The following ENOX1 variants were observed in gnomAD, a reference collection of about 807,000 sequenced individuals.
ENOX1 encodes the protein candidate growth-related and time keeping constitutive hydroquinone (NADH) oxidase.
Under a neutral mutation model 82.5 loss-of-function variants are expected in ENOX1, and 42 were observed. That is an observed-to-expected ratio of 0.51 (90% confidence interval 0.40 to 0.66). The LOEUF (loss-of-function observed/expected upper bound fraction) is 0.66, where lower values mean the gene tolerates loss of function less well. Among genes scored for constraint, ENOX1 ranks in the 30% least tolerant of loss-of-function variants. ENOX1 has a pLI of 0.00. For synonymous variants in ENOX1, 271 were observed against 282.2 expected, an observed-to-expected ratio of 0.96 and a Z score of 0.40; for missense variants, 608 against 811.6, an observed-to-expected ratio of 0.75 and a Z score of 3.05.
At chr13:43,513,875 A>G (rs1267747396) in intron 2 of ENOX1, among the ~76,000 whole-genome samples, 3 of 152,174 alleles carry the variant, frequency 2.0e-5, no homozygotes, top group Admixed American at 2.0e-4. Flanking sequence ...AAAGAAATAT[A>G]AGGATCTCAA....
chr13:43,321,014 A>G (rs2047775648), intron 11 of ENOX1: 1 of 455,946 alleles, frequency 2.2e-6, no homozygotes, highest in Non-Finnish European at 4.4e-6. Flanking sequence ...TACATCATTG[A>G]CACATAAGTG....
At chr13:43,553,632 A>G (rs1158164334) in intron 2 of ENOX1, among the ~76,000 whole-genome samples, 1 of 152,260 alleles carries the variant, frequency 6.6e-6, no homozygotes, top group African/African-American at 2.4e-5. Flanking sequence ...ACAAACAAAA[A>G]GCATGATATA....
chr13:43,299,191 T>C (rs1379111591), intron 11 of ENOX1, among the ~76,000 whole-genome samples: 1 of 152,170 alleles, frequency 6.6e-6, no homozygotes, highest in Non-Finnish European at 1.5e-5. Context: ...ATTCTCCACA[T>C]TTAGATTCAG....
rs527777256 is a variant in ENOX1, at chr13:43,679,308, C to T, written c.-284-11764G>A. On this transcript the variant is annotated intron_variant, in intron 1 of 16. Coordinates refer to ENST00000690772, the MANE Select transcript of ENOX1 (RefSeq NM_001347969.2). Reference sequence around the variant, plus strand: ...TTCCTGTGGTCAGCAGCATGAGACACTGGGGAATGAACAAGATCAAGTCCC... The same window carrying T: ...TTCCTGTGGTCAGCAGCATGAGACATTGGGGAATGAACAAGATCAAGTCCC... Among the ~76,000 whole-genome samples the T allele has an allele frequency of 8.5e-5, 13 of 152,238 alleles. No individual in the cohort carries two copies. In the East Asian group the frequency reaches 2.3e-3, roughly 27 times the overall value.
At chr13:43,247,854 TA>T (rs57304131) in intron 14 of ENOX1, among the ~76,000 whole-genome samples, 458 of 4,660 alleles carry the variant, frequency 0.098, 85 homozygotes, top group African/African-American at 0.17. Context: ...TATATATATA[TA>T]TATATATATA....
intron 12 of ENOX1, among the ~76,000 whole-genome samples, chr13:43,278,178 A>G (rs2045171350): frequency 6.6e-6 from 1 of 152,206 alleles, no homozygotes; most frequent in African/African-American, 2.4e-5. Flanking sequence ...ATTTAATAAT[A>G]TGTATGTAAT....
chr13:43,555,488 C>T (rs934987623), intron 2 of ENOX1, among the ~76,000 whole-genome samples: 5 of 152,104 alleles, frequency 3.3e-5, no homozygotes, highest in Admixed American at 6.6e-5. Context: ...AAAGCATTTA[C>T]GGTCAATCAG....
chr13:43,326,333 C>T (rs2048113131), intron 10 of ENOX1, 86 bp downstream of exon 10: 3 of 1,169,766 alleles, frequency 2.6e-6, no homozygotes, highest in South Asian at 2.8e-5. Flanking sequence ...CCCACTATAA[C>T]AGAAACCATC....
intron 3 of ENOX1, among the ~76,000 whole-genome samples, chr13:43,468,627 C>CA (rs2057849731): frequency 1.0e-5 from 1 of 96,212 alleles, no homozygotes; most frequent in Non-Finnish European, 2.1e-5. Context: ...CCATTCTCCA[C>CA]AAAAAAGAAA....
At chr13:43,396,767 G>A (rs531427902) in intron 5 of ENOX1, among the ~76,000 whole-genome samples, 36 of 152,254 alleles carry the variant, frequency 2.4e-4, no homozygotes, top group African/African-American at 7.9e-4. Context: ...ATATTAACCA[G>A]ATGTTAGTCA....
At chr13:43,285,082 G>A (rs572974915) in intron 12 of ENOX1, among the ~76,000 whole-genome samples, 8 of 152,314 alleles carry the variant, frequency 5.3e-5, no homozygotes, top group Non-Finnish European at 1.0e-4. Context: ...GGTCTGTAAA[G>A]TGAGGACCAG....
At chr13:43,290,371 A>ATG (rs1642455583) in intron 12 of ENOX1, among the ~76,000 whole-genome samples, 1 of 108,262 alleles carries the variant, frequency 9.2e-6, no homozygotes, top group East Asian at 2.1e-4. Flanking sequence ...GGATATACAT[A>ATG]TATATATATA....
At chr13:43,508,235 G>A (rs938157564) in intron 2 of ENOX1, among the ~76,000 whole-genome samples, 2 of 151,890 alleles carry the variant, frequency 1.3e-5, no homozygotes, top group African/African-American at 4.8e-5. Flanking sequence ...GAGGGAACTG[G>A]CGTAGGTCCT....
chr13:43,578,950 T>C (rs940315233), intron 2 of ENOX1, among the ~76,000 whole-genome samples: 7 of 152,190 alleles, frequency 4.6e-5, no homozygotes, highest in African/African-American at 1.7e-4. Flanking sequence ...ATAGAGTTAA[T>C]TAAGCAAGTG....
At chr13:43,355,147 T>A (rs2050066852) in intron 8 of ENOX1, among the ~76,000 whole-genome samples, 1 of 152,214 alleles carries the variant, frequency 6.6e-6, no homozygotes, top group East Asian at 1.9e-4. Flanking sequence ...AATGCCCATA[T>A]GTTGCTCAGC....
At chr13:43,614,096 T>C (rs1320532070) in intron 2 of ENOX1, among the ~76,000 whole-genome samples, 1 of 152,124 alleles carries the variant, frequency 6.6e-6, no homozygotes, top group African/African-American at 2.4e-5. Flanking sequence ...CAATAAAAAC[T>C]CCTATCTCTG....
intron 2 of ENOX1, among the ~76,000 whole-genome samples, chr13:43,608,940 A>G (rs1366172488): frequency 1.3e-5 from 2 of 152,076 alleles, no homozygotes; most frequent in Admixed American, 6.6e-5. Context: ...TCCTTTCATC[A>G]CTTGAATTTC....
At chr13:43,652,065 C>T (rs2084216056) in intron 2 of ENOX1, among the ~76,000 whole-genome samples, 1 of 151,834 alleles carries the variant, frequency 6.6e-6, no homozygotes, top group Admixed American at 6.6e-5. Flanking sequence ...TATAAAGTAC[C>T]CAGCTGCAAA....
chr13:43,754,352 T>A (rs886092661), intron 1 of ENOX1, among the ~76,000 whole-genome samples: 13,444 of 147,882 alleles, frequency 0.091, 1,021 homozygotes, highest in African/African-American at 0.21. Flanking sequence ...TATTATTATT[T>A]ATTTTTTTTT....
Sources: allele counts gnomAD v4.1 joint callset (sites outside exome capture counted in the v4.1 genomes callset), GRCh38; gene constraint gnomAD v4.1.1; transcripts MANE v1.5; gene names NCBI Gene and HGNC (gene_info 2026-07-23, HGNC 2026-07-21).